MYCBPAP: variants seen among roughly 807,000 people sequenced by gnomAD.
MYCBPAP encodes MYCBP-associated protein.
A neutral mutation model predicts 106.1 loss-of-function variants in MYCBPAP; 60 were observed. That is an observed-to-expected ratio of 0.57 (90% confidence interval 0.46 to 0.70). The LOEUF (loss-of-function observed/expected upper bound fraction) is 0.70. Among genes scored for constraint, MYCBPAP ranks in the 30% least tolerant of loss-of-function variants. The pLI is 0.00. For missense variants in MYCBPAP, 1,064 were observed against 1,169.3 expected (o/e 0.91, Z 1.31); for synonymous variants, 407 against 440.6 (o/e 0.92, Z 0.95).
intron 1 of MYCBPAP, 121 bp from the exon 2 acceptor site, chr17:50,516,449 G>T: frequency 8.2e-7 from 1 of 1,216,954 alleles, no homozygotes; most frequent in South Asian, 1.7e-5. Flanking sequence ...CTATCCAGCT[G>T]GTCAGCTCTG....
At chr17:50,516,447 C>A (rs1194875607) in intron 1 of MYCBPAP, 123 bp from the exon 2 acceptor site, 2 of 1,194,486 alleles carry the variant, frequency 1.7e-6, no homozygotes, top group Non-Finnish European at 2.3e-6. Context: ...ATCTATCCAG[C>A]TGGTCAGCTC....
intron 1 of MYCBPAP, among the ~76,000 whole-genome samples, chr17:50,512,594 T>C (rs2143899152): frequency 6.6e-6 from 1 of 152,330 alleles, no homozygotes; most frequent in East Asian, 1.9e-4. Context: ...TTTTGATGTC[T>C]AACCAAACCT....
At chr17:50,509,103 T>C (rs1461298512) in intron 1 of MYCBPAP, 1 of 702,664 alleles carries the variant, frequency 1.4e-6, no homozygotes, top group South Asian at 1.5e-5. Flanking sequence ...AGGAAAGAGT[T>C]TAAGGGTAGA....
Position 50,517,710 on chromosome 17 carries a change from C to G in MYCBPAP, c.468+12C>G, listed in dbSNP as rs111235383. ...GAGGGAACACCCAGGTTTGTTTGCACAGAACTACCCGGATGAGAGCAGTCA... is the reference window on the plus strand; with the variant it reads ...GAGGGAACACCCAGGTTTGTTTGCAGAGAACTACCCGGATGAGAGCAGTCA... On this transcript the variant is annotated intron_variant, in intron 4 of 18. Transcript: ENST00000323776. The G allele has an allele frequency of 6.2e-7, 1 of 1,609,000 alleles. No homozygotes were observed. The highest frequency in any genetic ancestry group is 1.1e-5 in the South Asian group (1 of 90,964).
intron 1 of MYCBPAP, chr17:50,510,493 GTGTGTGTA>G (rs1330251114): frequency 4.0e-5 from 4 of 99,048 alleles, no homozygotes; most frequent in Middle Eastern, 4.7e-3. Flanking sequence ...GTGTGTGTGT[GTGTGTGTA>G]TATATATATA....
At chr17:50,510,493 G>GTATATATA (rs2033791881) in intron 1 of MYCBPAP, 1 of 99,066 alleles carries the variant, frequency 1.0e-5, no homozygotes, top group Non-Finnish European at 2.0e-5. Flanking sequence ...GTGTGTGTGT[G>GTATATATA]TGTGTGTATA....
At chr17:50,518,489 C>A in intron 4 of MYCBPAP, 52 bp from the exon 5 acceptor site, 1 of 1,482,170 alleles carries the variant, frequency 6.7e-7, no homozygotes, top group Non-Finnish European at 9.0e-7. Flanking sequence ...TGTGCTCAGC[C>A]CTGCCCAGAG....
rs536401698 is a variant in MYCBPAP at position 50,509,356 on chromosome 17, T to A, written c.76+606T>A. The A allele has an allele frequency of 2.2e-5, 12 of 549,170 alleles. No individual in the cohort carries two copies. The South Asian group carries it at 2.2e-4, about 10-fold the overall frequency. The allele number at this position is 549,170 out of a possible 1,614,324, so 34.0% of individuals were successfully genotyped here. On this transcript the variant is annotated intron_variant, in intron 1 of 18. Transcript: ENST00000323776. ...GCTCCTTTAGCCTGGAAAGAATCGC[T>A]AGATATGACTGCTTCCTACCCTCTA...
rs780684490 is a variant in MYCBPAP, at chr17:50,521,100, C to T, written c.917-10C>T. On this transcript the variant is annotated splice_polypyrimidine_tract_variant and intron_variant, in intron 7 of 18. Coordinates refer to ENST00000323776, the MANE Select transcript of MYCBPAP (RefSeq NM_032133.6). Reference sequence around the variant, plus strand: ...CAGCCTGTGCTGAGGGTCCTTGGACCTCATGCTAGGATTACCAGCCCAGAG... The same window carrying T: ...CAGCCTGTGCTGAGGGTCCTTGGACTTCATGCTAGGATTACCAGCCCAGAG... 6.8e-6 allele frequency: 11 copies of T among 1,606,994 alleles called. No individual in the cohort carries two copies. The highest frequency in any genetic ancestry group is 1.3e-5 in the African/African-American group (1 of 74,836).
upstream of MYCBPAP, chr17:50,508,178 G>A: frequency 4.6e-6 from 1 of 215,648 alleles, no homozygotes; most frequent in Non-Finnish European, 9.1e-6. Context: ...GGCAGAGGGA[G>A]GTCCCTCGAC....
At chr17:50,524,148 A>G (rs1180348322) in intron 12 of MYCBPAP, among the ~76,000 whole-genome samples, 1 of 152,236 alleles carries the variant, frequency 6.6e-6, no homozygotes, top group Non-Finnish European at 1.5e-5. Context: ...TTAAGCGACA[A>G]GACTTCAAAA....
At chr17:50,518,508 C>T in intron 4 of MYCBPAP, 33 bp from the exon 5 acceptor site, 2 of 1,518,714 alleles carry the variant, frequency 1.3e-6, no homozygotes, top group Non-Finnish European at 1.8e-6. Context: ...AGCCTTCTTA[C>T]TGCCCTCCAC....
rs868160178 is a variant in MYCBPAP, at chr17:50,518,560, C to G, written c.488C>G (p.Thr163Ser). ...GNTQLAERIP[T>S]SPCLMTLISA... ...TTTCAGCTGGCTGAGCGGATACCTA[C>G]CTCACCCTGTCTGATGACCCTCATC... The change falls in exon 5 of 19, where the codon ACC (threonine) becomes AGC (serine). Residue 163 changes from threonine (T) to serine (S), a missense_variant. Physicochemically the swap from Thr to Ser is moderately conservative, Grantham distance 58. Coordinates refer to ENST00000323776, the MANE Select transcript of MYCBPAP (RefSeq NM_032133.6). 1 of 1,588,158 alleles carries G rather than the reference C, an allele frequency of 6.3e-7. No homozygotes were observed.
rs576830707 is a variant in MYCBPAP, at chr17:50,517,237, G to T, written c.205-56G>T. The T allele has an allele frequency of 6.5e-6, 10 of 1,527,546 alleles. No homozygotes were observed. In the African/African-American group the frequency reaches 1.2e-4, roughly 19 times the overall value. The allele number at this position is 1,527,546 out of a possible 1,614,324, so 94.6% of individuals were successfully genotyped here. ...AGAACTAGAACAGAAGAGATGGGTG[G>T]TGCTCTTCCTCCTGCCACCACAGGT... On this transcript the variant is annotated intron_variant, in intron 2 of 18. Transcript: ENST00000323776.
intron 6 of MYCBPAP, 176 bp downstream of exon 6, chr17:50,519,265 A>G: frequency 3.3e-6 from 2 of 600,446 alleles, no homozygotes; most frequent in South Asian, 2.1e-5. Flanking sequence ...ATGATTAGTC[A>G]GTAAAGTTAT....
chr17:50,511,655 G>A (rs1309432655), intron 1 of MYCBPAP, among the ~76,000 whole-genome samples: 1 of 152,166 alleles, frequency 6.6e-6, no homozygotes, highest in Non-Finnish European at 1.5e-5. Flanking sequence ...GTGCAAGCGG[G>A]GTGGTCTCTT....
chr17:50,526,747 C>T (rs2034476972), intron 14 of MYCBPAP, among the ~76,000 whole-genome samples: 1 of 152,228 alleles, frequency 6.6e-6, no homozygotes, highest in Non-Finnish European at 1.5e-5. Context: ...CCACATCCAG[C>T]TAGTTTTTGT....
rs1470302966 is a variant in MYCBPAP, at chr17:50,526,158, A to AG, written c.2062dup (p.Glu688GlyfsTer43). On this transcript the variant is annotated frameshift_variant, in exon 14 of 19. Coordinates refer to ENST00000323776, the MANE Select transcript of MYCBPAP (RefSeq NM_032133.6). LOFTEE classifies it high-confidence loss of function. ...AGTCCTCAGCGGAAGAGCATCATGG[A>AG]GGAGATCCTGGTGGAGGAAAGCCCA... The AG allele has an allele frequency of 1.2e-6, 2 of 1,613,556 alleles. No homozygotes were observed. Among genetic ancestry groups the AG allele is most frequent in the Non-Finnish European group, 1.7e-6 (2 of 1,179,946 alleles).
In MYCBPAP at chr17:50,522,986, C is replaced by T. The variant is rs777887197; in HGVS notation, c.1305C>T (p.Gly435=). ...ACTTGACCTTTGAAACCCTAGAAGG[C>T]GAGAAAACCTCCTCAGAACTGACTG... The part of the protein sequence containing the change: ...AAHLTFETLE[G]EKTSSELTVV... The change falls in exon 11 of 19, where the codon GGC becomes GGT. Residue 435 remains glycine, a synonymous_variant. Coordinates refer to ENST00000323776, the MANE Select transcript of MYCBPAP (RefSeq NM_032133.6). The T allele has an allele frequency of 2.7e-5, 44 of 1,613,666 alleles. No homozygotes were observed. Among genetic ancestry groups the T allele is most frequent in the East Asian group, 1.6e-4 (7 of 44,876 alleles).
Sources: allele counts gnomAD v4.1 joint callset (sites outside exome capture counted in the v4.1 genomes callset), GRCh38; gene constraint gnomAD v4.1.1; transcripts MANE v1.5; gene names NCBI Gene and HGNC (gene_info 2026-07-23, HGNC 2026-07-21).